Variants in TRIO observed in about 807,000 individuals in gnomAD.
TRIO encodes triple functional domain protein.
Under a neutral mutation model 351.9 loss-of-function variants are expected in TRIO, and 58 were observed. That is an observed-to-expected ratio of 0.16 (90% CI 0.13 to 0.21). TRIO has a LOEUF of 0.21. TRIO is among the 10% of genes least tolerant of loss of function. TRIO has a pLI of 1.00. For synonymous variants in TRIO, 1,758 were observed against 1,595.7 expected, an observed-to-expected ratio of 1.10 and a Z score of -2.42; for missense variants, 3,201 against 4,027.8, an observed-to-expected ratio of 0.79 and a Z score of 5.56.
At chr5:14,423,203 C>A (rs774004546) in intron 34 of TRIO, among the ~76,000 whole-genome samples, 2 of 152,206 alleles carry the variant, frequency 1.3e-5, no homozygotes. Flanking sequence ...ATGCTGTCTG[C>A]CGTTACCTCA....
chr5:14,207,784 T>C (rs1249818313), intron 1 of TRIO, among the ~76,000 whole-genome samples: 1 of 151,944 alleles, frequency 6.6e-6, no homozygotes, highest in Non-Finnish European at 1.5e-5. Flanking sequence ...ATATATCCAA[T>C]AAAGGATTTT....
rs1190563581 is a variant in TRIO, at chr5:14,301,760, C to G, written c.1369-2701C>G. On this transcript the variant is annotated intron_variant, in intron 7 of 56. Coordinates refer to ENST00000344204, the MANE Select transcript of TRIO (RefSeq NM_007118.4). ...ATCTGTTGACACCCTGTTCCCTGTT[C>G]CATGCATCTCGGAACGGGGATTGCT... Among the ~76,000 whole-genome samples the G allele has an allele frequency of 2.6e-5, 4 of 152,306 alleles. No homozygotes were observed. The East Asian group carries it at 5.8e-4, about 22-fold the overall frequency.
At chr5:14,446,613 T>A (rs1167071316) in intron 34 of TRIO, among the ~76,000 whole-genome samples, 1 of 152,118 alleles carries the variant, frequency 6.6e-6, no homozygotes, top group Non-Finnish European at 1.5e-5. Flanking sequence ...TGCATGCACC[T>A]GGGGGCGCTT....
chr5:14,412,772 C>T (rs899616848), intron 33 of TRIO, among the ~76,000 whole-genome samples: 5 of 152,194 alleles, frequency 3.3e-5, no homozygotes, highest in South Asian at 2.1e-4. Flanking sequence ...CACTCCCAAC[C>T]GCAGTTGACC....
rs764604909 is a variant in TRIO, at chr5:14,364,781, G to A, written c.2719G>A (p.Val907Met). ...EQHRKHLEQC[V>M]QLRHLQAEVK... ...GCATCGGAAACACCTGGAGCAGTGC[G>A]TGCAGCTGCGCCACCTGCAGGCAGA... Residue 907 changes from valine (V) to methionine (M), a missense_variant, in exon 15 of 57, where the codon GTG (valine) becomes ATG (methionine). By Grantham distance (21) the Val-to-Met change is conservative. Transcript: ENST00000344204. 3 of 1,611,770 alleles carry A rather than the reference G, an allele frequency of 1.9e-6. No individual in the cohort carries two copies. The highest frequency in any genetic ancestry group is 2.7e-5 in the African/African-American group (2 of 74,956).
Position 14,504,535 on chromosome 5 carries a change from C to T in TRIO, c.8554C>T (p.Leu2852Phe), listed in dbSNP as rs751102997. ...GILQSLQHPLLVGLLDTFETP... is the reference protein window; with the variant it reads ...GILQSLQHPLFVGLLDTFETP... ...CCTGCAGAGCCTCCAGCACCCCCTGCTTGTCGGCCTCCTCGACACCTTTGA... is the reference window on the plus strand; with the variant it reads ...CCTGCAGAGCCTCCAGCACCCCCTGTTTGTCGGCCTCCTCGACACCTTTGA... Residue 2852 changes from leucine (L) to phenylalanine (F), a missense_variant, in exon 55 of 57, where the codon CTT (leucine) becomes TTT (phenylalanine). Leu to Phe is a conservative substitution (Grantham distance 22). This residue lies in a region of TRIO where 1,089 missense variants were observed against 954.9 expected (regional missense o/e 1.14). Transcript: ENST00000344204. 6.2e-7 allele frequency: 1 copy of T among 1,614,164 alleles called. No homozygotes were observed. Among genetic ancestry groups the T allele is most frequent in the South Asian group, 1.1e-5 (1 of 91,086 alleles).
At chr5:14,426,672 G>A (rs373359882) in intron 34 of TRIO, among the ~76,000 whole-genome samples, 4 of 152,166 alleles carry the variant, frequency 2.6e-5, no homozygotes, top group African/African-American at 9.7e-5. Flanking sequence ...AGAAAGCAGC[G>A]AGTCTCCGCA....
chr5:14,377,418 G>C (rs888780854), intron 19 of TRIO, among the ~76,000 whole-genome samples: 1 of 151,800 alleles, frequency 6.6e-6, no homozygotes, highest in Admixed American at 6.6e-5. Flanking sequence ...GCTAATTTTT[G>C]TATTTTTAGT....
intron 1 of TRIO, among the ~76,000 whole-genome samples, chr5:14,232,391 G>A (rs537998336): frequency 1.6e-4 from 24 of 152,232 alleles, no homozygotes; most frequent in African/African-American, 5.8e-4. Context: ...TTGCAGACAG[G>A]CATTTTTCTG....
intron 34 of TRIO, among the ~76,000 whole-genome samples, chr5:14,435,854 ATATTG>A (rs1239971521): frequency 2.6e-5 from 4 of 152,294 alleles, no homozygotes; most frequent in Non-Finnish European, 5.9e-5. Flanking sequence ...TACCAGGCTC[ATATTG>A]TATTTTGCCT....
chr5:14,179,409 A>G (rs140692002), intron 1 of TRIO, among the ~76,000 whole-genome samples: 57 of 152,230 alleles, frequency 3.7e-4, no homozygotes, highest in African/African-American at 1.3e-3. Context: ...CTGCCCTCAG[A>G]ATTCTTCAGT....
At chr5:14,439,307 C>G (rs1380167551) in intron 34 of TRIO, among the ~76,000 whole-genome samples, 1 of 152,230 alleles carries the variant, frequency 6.6e-6, no homozygotes, top group African/African-American at 2.4e-5. Flanking sequence ...AGCCACCGCG[C>G]CTGGCCCAAA....
intron 1 of TRIO, among the ~76,000 whole-genome samples, chr5:14,268,906 G>A (rs540137164): frequency 6.6e-6 from 1 of 152,332 alleles, no homozygotes; most frequent in East Asian, 1.9e-4. Context: ...GAGTTACGGT[G>A]ACTGGCAGTG....
In TRIO at chr5:14,496,938, A is replaced by G. The variant is rs980405395; in HGVS notation, c.7940A>G (p.Lys2647Arg). 44 of 1,614,116 alleles carry G rather than the reference A, an allele frequency of 2.7e-5. No homozygotes were observed. The highest frequency in any genetic ancestry group is 3.7e-5 in the Non-Finnish European group (44 of 1,180,052). The change falls in exon 50 of 57, where the codon AAA (lysine) becomes AGA (arginine). Residue 2647 changes from lysine to arginine, a missense_variant. This residue lies in a region of TRIO where 1,089 missense variants were observed against 954.9 expected (regional missense o/e 1.14). Coordinates refer to ENST00000344204, the MANE Select transcript of TRIO (RefSeq NM_007118.4). ...AGGAAAAAATCTGAGAAAAAAGATA[A>G]AGACGGCAAAAGGGAAGGCAAGTTA... ...RLRKKSEKKD[K>R]DGKREGKLEN...
intron 9 of TRIO, among the ~76,000 whole-genome samples, chr5:14,329,462 G>C (rs1011043687): frequency 6.6e-6 from 1 of 152,202 alleles, no homozygotes; most frequent in African/African-American, 2.4e-5. Flanking sequence ...CACATAGAAG[G>C]CACCTTCAAC....
intron 31 of TRIO, among the ~76,000 whole-genome samples, chr5:14,404,316 C>T (rs191536692): frequency 1.3e-5 from 2 of 152,086 alleles, no homozygotes; most frequent in Non-Finnish European, 2.9e-5. Context: ...TATCCCCTCT[C>T]TTAGCCAGGT....
At chr5:14,373,016 T>C (rs1465131072) in intron 18 of TRIO, among the ~76,000 whole-genome samples, 2 of 152,196 alleles carry the variant, frequency 1.3e-5, no homozygotes, top group Admixed American at 6.5e-5. Flanking sequence ...CACGTCCTTC[T>C]TCACATGGCG....
chr5:14,372,954 A>G lies in TRIO; in HGVS notation c.3217-1275A>G, dbSNP rs1224200967. 1.1e-4 allele frequency among the ~76,000 whole-genome samples: 16 copies of G among 152,340 alleles called. No individual in the cohort carries two copies. The East Asian group carries it at 3.1e-3, about 29-fold the overall frequency. Reference sequence around the variant, plus strand: ...AGGTTTAGTTGACTCACAGTTCCATAGGACAGGGGAGGCCTCAGAAAACTT... The same window carrying G: ...AGGTTTAGTTGACTCACAGTTCCATGGGACAGGGGAGGCCTCAGAAAACTT... On this transcript the variant is annotated intron_variant, in intron 18 of 56. Coordinates refer to ENST00000344204, the MANE Select transcript of TRIO (RefSeq NM_007118.4).
chr5:14,364,686 C>A lies in TRIO; in HGVS notation c.2624C>A (p.Ala875Glu). 1 of 1,613,912 alleles carries A rather than the reference C, an allele frequency of 6.2e-7. No homozygotes were observed. Among genetic ancestry groups the A allele is most frequent in the Middle Eastern group, 1.7e-4 (1 of 5,934 alleles). Reference protein sequence around the residue: ...ELLCDRDVDMATRVQDLLEFL... With the variant: ...ELLCDRDVDMETRVQDLLEFL... ...CTGTGTGATAGAGATGTAGACATGG[C>A]AACTCGGGTCCAGGACCTGCTGGAG... The change falls in exon 15 of 57, where the codon GCA becomes GAA. Residue 875 changes from alanine (A) to glutamate (E), a missense_variant. By Grantham distance (107) the Ala-to-Glu change is moderately radical. Coordinates refer to ENST00000344204, the MANE Select transcript of TRIO (RefSeq NM_007118.4).
Sources: allele counts gnomAD v4.1 joint callset (sites outside exome capture counted in the v4.1 genomes callset), GRCh38; gene constraint gnomAD v4.1.1; regional missense constraint gnomAD v4.1.1; transcripts MANE v1.5; gene names NCBI Gene and HGNC (gene_info 2026-07-23, HGNC 2026-07-21).